The following CD163L1 variants were observed in gnomAD, a reference collection of about 807,000 sequenced individuals.
CD163L1 encodes CD163 molecule like 1.
In CD163L1, 124 loss-of-function variants were observed where a neutral mutation model predicts 165.4. The observed-to-expected ratio is 0.75, with a 90% CI of 0.65 to 0.87. The LOEUF is 0.87. CD163L1 is among the 40% of genes least tolerant of loss of function. CD163L1 has a pLI of 0.00. For missense variants in CD163L1, 1,525 were observed against 1,799.9 expected, an observed-to-expected ratio of 0.85 and a Z score of 2.76; for synonymous variants, 585 against 662.2, an observed-to-expected ratio of 0.88 and a Z score of 1.79.
intron 18 of CD163L1, among the ~76,000 whole-genome samples, chr12:7,363,560 CA>C (rs1217910727): frequency 6.6e-6 from 1 of 151,600 alleles, no homozygotes; most frequent in African/African-American, 2.4e-5. Context: ...AGAGAAAACT[CA>C]AATAAATAAA....
intron 2 of CD163L1, chr12:7,439,712 C>T: frequency 6.2e-7 from 1 of 1,611,650 alleles, no homozygotes; most frequent in South Asian, 1.1e-5. Context: ...AGGTGAGTCT[C>T]GGGCTCCCAG....
intron 6 of CD163L1, among the ~76,000 whole-genome samples, chr12:7,399,297 TCTC>T (rs915212470): frequency 7.5e-5 from 8 of 107,336 alleles, no homozygotes; most frequent in African/African-American, 4.3e-4. Flanking sequence ...CTTTTCTTTC[TCTC>T]CTTTCTTTCT....
At chr12:7,356,028 C>A (rs1833956143) in intron 19 of CD163L1, among the ~76,000 whole-genome samples, 1 of 151,972 alleles carries the variant, frequency 6.6e-6, no homozygotes, top group Non-Finnish European at 1.5e-5. Context: ...AATATAGAAC[C>A]CTAATTTCAA....
chr12:7,440,082 G>C, intron 2 of CD163L1: 2 of 1,006,510 alleles, frequency 2.0e-6, no homozygotes, highest in South Asian at 2.9e-5. Flanking sequence ...CCACATCAGC[G>C]GCGTAACGGA....
intron 8 of CD163L1, among the ~76,000 whole-genome samples, chr12:7,388,107 T>C (rs1947560670): frequency 6.6e-6 from 1 of 152,170 alleles, no homozygotes; most frequent in Non-Finnish European, 1.5e-5. Flanking sequence ...TCTCTCACCA[T>C]ACATAAAAAT....
chr12:7,327,053 T>G, the CD163L1 span: 3 of 1,611,710 alleles, frequency 1.9e-6, no homozygotes, highest in African/African-American at 4.0e-5. Flanking sequence ...AACTTCAGGA[T>G]CATGTGAAAA....
chr12:7,439,679 G>A (rs1192255230), intron 2 of CD163L1: 6 of 1,612,710 alleles, frequency 3.7e-6, no homozygotes, highest in East Asian at 2.2e-5. Context: ...CTAAATTCAA[G>A]AAGCACTTCT....
chr12:7,415,281 C>T (rs1948214455), intron 4 of CD163L1, among the ~76,000 whole-genome samples: 2 of 151,954 alleles, frequency 1.3e-5, no homozygotes, highest in South Asian at 4.2e-4. Flanking sequence ...GTCATGTAAG[C>T]TTTGTGGTAA....
At chr12:7,356,175 G>A (rs1175427976) in intron 19 of CD163L1, among the ~76,000 whole-genome samples, 1 of 151,968 alleles carries the variant, frequency 6.6e-6, no homozygotes, top group Admixed American at 6.6e-5. Context: ...AAACACATAA[G>A]ATACACTTTA....
chr12:7,437,669 CCTT>C (rs1217843422), intron 2 of CD163L1, among the ~76,000 whole-genome samples: 14 of 143,744 alleles, frequency 9.7e-5, no homozygotes. Flanking sequence ...ATGAACTCAT[CCTT>C]TTTTTTTTTT....
Position 7,443,783 on chromosome 12 carries a change from T to A in CD163L1, c.31+314A>T, listed in dbSNP as rs146082527. The stretch of plus-strand genomic sequence containing the variant: ...ATTTACTGTAGTACCTGGCACTTGA[T>A]AACAATAAGTTTCTAATTTATCCCT... On this transcript the variant is annotated intron_variant, in intron 1 of 19. Coordinates refer to ENST00000313599, the MANE Select transcript of CD163L1 (RefSeq NM_174941.6). Among the ~76,000 whole-genome samples the A allele has an allele frequency of 9.7e-4, 148 of 152,310 alleles. 1 individual carries two copies. The highest frequency in any genetic ancestry group is 6.0e-3 in the Admixed American group (92 of 15,298).
chr12:7,380,060 C>T (rs377654286), intron 8 of CD163L1, among the ~76,000 whole-genome samples: 1 of 151,804 alleles, frequency 6.6e-6, no homozygotes, highest in Admixed American at 6.6e-5. Flanking sequence ...CTAGTACAAC[C>T]GCTATGAAAA....
chr12:7,370,826 G>A (rs778225009), intron 14 of CD163L1, among the ~76,000 whole-genome samples: 6 of 152,070 alleles, frequency 3.9e-5, no homozygotes, highest in Non-Finnish European at 8.8e-5. Context: ...TACCAATACA[G>A]AGTGCATCAT....
At chr12:7,377,975 A>C (rs755195546) in intron 9 of CD163L1, among the ~76,000 whole-genome samples, 1 of 152,186 alleles carries the variant, frequency 6.6e-6, no homozygotes, top group South Asian at 2.1e-4. Flanking sequence ...GATCATCTAA[A>C]TCTCATATCC....
At chr12:7,321,215 A>C in the CD163L1 span, among the ~76,000 whole-genome samples, 1 of 152,184 alleles carries the variant, frequency 6.6e-6, no homozygotes, top group Non-Finnish European at 1.5e-5. Flanking sequence ...TCTTTTAAAA[A>C]CACTGTCATT....
chr12:7,365,762 G>T (rs895772104), intron 18 of CD163L1, among the ~76,000 whole-genome samples: 63 of 152,038 alleles, frequency 4.1e-4, no homozygotes, highest in African/African-American at 1.5e-3. Flanking sequence ...AGGAAATAAT[G>T]GATGCTGGCA....
chr12:7,389,621 A>C (rs1377234923), intron 8 of CD163L1, among the ~76,000 whole-genome samples: 1 of 152,116 alleles, frequency 6.6e-6, no homozygotes, highest in Admixed American at 6.6e-5. Flanking sequence ...GACTATAGTC[A>C]ATAATAACTT....
At chr12:7,395,767 TTAAA>T (rs1274409760) in intron 8 of CD163L1, among the ~76,000 whole-genome samples, 2 of 152,142 alleles carry the variant, frequency 1.3e-5, no homozygotes, top group Admixed American at 1.3e-4. Flanking sequence ...GTTTATTTAT[TTAAA>T]TAAATAACTG....
Position 7,398,780 on chromosome 12 carries a change from G to T in CD163L1, c.1409-196C>A, listed in dbSNP as rs879551651. On this transcript the variant is annotated intron_variant, in intron 6 of 19. Coordinates refer to ENST00000313599, the MANE Select transcript of CD163L1 (RefSeq NM_174941.6). The surrounding 1 kb of genome is among the most constrained non-coding windows in gnomAD (Gnocchi z 4.5). ...TTTTTGGAGAGAAGGTGTCTCTAAA[G>T]CATGAAACGACGACAGCAAATTTAC... Among the ~76,000 whole-genome samples the T allele has an allele frequency of 6.6e-6, 1 of 152,154 alleles. No individual in the cohort carries two copies. The highest frequency in any genetic ancestry group is 1.5e-5 in the Non-Finnish European group (1 of 68,020).
Sources: gnomAD v4.1 joint callset for allele counts (sites outside exome capture counted in the v4.1 genomes callset) on GRCh38, gnomAD v4.1.1 for gene constraint, Gnocchi (gnomAD v3.1) non-coding constraint, MANE v1.5 for transcripts, NCBI Gene and HGNC (gene_info 2026-07-23, HGNC 2026-07-21) for gene names.